Variants in RHEB observed in about 807,000 individuals in gnomAD.
RHEB encodes GTP-binding protein Rheb.
A neutral mutation model predicts 28.8 loss-of-function variants in RHEB; 2 were observed. That is an observed-to-expected ratio of 0.07 (90% CI 0.03 to 0.22). The LOEUF (loss-of-function observed/expected upper bound fraction) is 0.22. RHEB is among the 10% of genes least tolerant of loss of function. The pLI, the probability that RHEB is intolerant of heterozygous loss-of-function variation, is 1.00. For missense variants in RHEB, 76 were observed against 219.9 expected (o/e 0.35, Z 4.14); for synonymous variants, 69 against 77.3 (o/e 0.89, Z 0.56).
At chr7:151,499,706 T>A (rs1382939993) in intron 1 of RHEB, among the ~76,000 whole-genome samples, 1 of 152,112 alleles carries the variant, frequency 6.6e-6, no homozygotes, top group African/African-American at 2.4e-5. Flanking sequence ...TGTGGAAGAG[T>A]TAGTATAAAA....
chr7:151,468,026 T>C lies in RHEB; in HGVS notation c.463-815A>G, dbSNP rs997743069. Among the ~76,000 whole-genome samples, 2 of 151,854 alleles carry C rather than the reference T, an allele frequency of 1.3e-5. No individual in the cohort carries two copies. The highest frequency in any genetic ancestry group is 1.3e-4 in the Admixed American group (2 of 15,254). On this transcript the variant is annotated intron_variant, in intron 7 of 7. Coordinates refer to ENST00000262187, the MANE Select transcript of RHEB (RefSeq NM_005614.4). This position sits in a 1 kb window ranked among gnomAD's most constrained non-coding sequence, Gnocchi z 4.3. ...CTGAGCCACCGTGACTCCCAGACCC[T>C]GTCCTTGAAATGCAGTCCTGTGGTC...
intron 3 of RHEB, among the ~76,000 whole-genome samples, chr7:151,483,366 C>T (rs1361392337): frequency 2.0e-5 from 3 of 152,168 alleles, no homozygotes; most frequent in Admixed American, 6.5e-5. Context: ...CCCCATTTAA[C>T]ACAGCAAACC....
At position 151,466,270 on chromosome 7, in the gene RHEB, C is replaced by T. The variant is rs968517288; in HGVS notation, c.*849G>A. ...CAAGACTCTGACACAGAACACTAAA[C>T]TCCAGGGTGTTCTAGGACAGTGACA... On this transcript the variant is annotated 3_prime_UTR_variant, in exon 8 of 8. Transcript: ENST00000262187. 2 of 152,240 alleles carry T rather than the reference C, an allele frequency of 1.3e-5. No homozygotes were observed. The highest frequency in any genetic ancestry group is 2.9e-5 in the Non-Finnish European group (2 of 68,060). 9.4% of individuals were successfully genotyped at this position (152,240 alleles called of 1,614,324 possible).
intron 1 of RHEB, among the ~76,000 whole-genome samples, chr7:151,510,290 C>G (rs978343612): frequency 6.6e-6 from 1 of 152,156 alleles, no homozygotes; most frequent in Non-Finnish European, 1.5e-5. Context: ...AAGTAACAAT[C>G]GTGTAGTAGC....
intron 1 of RHEB, chr7:151,502,411 A>C (rs182124628): frequency 2.5e-6 from 2 of 803,220 alleles, no homozygotes; most frequent in Non-Finnish European, 4.5e-6. Context: ...GAGCCATTAC[A>C]TCTATACAAC....
At chr7:151,495,821 T>G (rs931800031) in intron 1 of RHEB, among the ~76,000 whole-genome samples, 2 of 152,158 alleles carry the variant, frequency 1.3e-5, no homozygotes, top group Non-Finnish European at 2.9e-5. Context: ...AGTGTGGTGA[T>G]GTGTGCATAT....
chr7:151,519,337 G>T (rs1403212224), intron 1 of RHEB, 123 bp downstream of exon 1: 2 of 609,136 alleles, frequency 3.3e-6, no homozygotes, highest in African/African-American at 3.9e-5. Context: ...TACGAAACGC[G>T]CGGCCCCCGC....
intron 1 of RHEB, among the ~76,000 whole-genome samples, chr7:151,501,391 T>G (rs537427598): frequency 6.6e-6 from 1 of 152,298 alleles, no homozygotes; most frequent in East Asian, 1.9e-4. Flanking sequence ...AATTAAAAAT[T>G]ACAATGAGAT....
intron 3 of RHEB, among the ~76,000 whole-genome samples, chr7:151,479,459 G>A (rs1465264309): frequency 1.3e-5 from 2 of 152,156 alleles, no homozygotes; most frequent in African/African-American, 4.8e-5. Flanking sequence ...AAGGTGGGCA[G>A]ATCACAAGGT....
rs1428123820 is a variant in RHEB, at chr7:151,468,388, G to C, written c.463-1177C>G. Among the ~76,000 whole-genome samples the C allele has an allele frequency of 6.6e-6, 1 of 152,132 alleles. No homozygotes were observed. Among genetic ancestry groups the C allele is most frequent in the South Asian group, 2.1e-4 (1 of 4,814 alleles). Reference sequence around the variant, plus strand: ...ACTTCAACTCCCTTCCCTACCAACTGTCGCTGGCACGGTGCCCGCGGCCAC... The same window carrying C: ...ACTTCAACTCCCTTCCCTACCAACTCTCGCTGGCACGGTGCCCGCGGCCAC... On this transcript the variant is annotated intron_variant, in intron 7 of 7. Coordinates refer to ENST00000262187, the MANE Select transcript of RHEB (RefSeq NM_005614.4). The surrounding 1 kb of genome is among the most constrained non-coding windows in gnomAD (Gnocchi z 4.3).
chr7:151,498,408 G>A (rs949114743), intron 1 of RHEB, among the ~76,000 whole-genome samples: 1 of 152,086 alleles, frequency 6.6e-6, no homozygotes, highest in East Asian at 1.9e-4. Context: ...CTTGGGCCTA[G>A]GAATTCAAGA....
At chr7:151,511,093 A>T (rs1584868586) in intron 1 of RHEB, among the ~76,000 whole-genome samples, 1 of 150,504 alleles carries the variant, frequency 6.6e-6, no homozygotes, top group African/African-American at 2.4e-5. Flanking sequence ...ATAAAAAATA[A>T]AAAAAAAAAT....
At chr7:151,482,666 C>A (rs1397761615) in intron 3 of RHEB, among the ~76,000 whole-genome samples, 1 of 152,160 alleles carries the variant, frequency 6.6e-6, no homozygotes, top group East Asian at 1.9e-4. Flanking sequence ...CAGAGTCCCA[C>A]AATAAACAGA....
chr7:151,470,095 G>C (rs1443593688), intron 7 of RHEB, among the ~76,000 whole-genome samples: 1 of 152,068 alleles, frequency 6.6e-6, no homozygotes, highest in African/African-American at 2.4e-5. Flanking sequence ...GCACATCTGC[G>C]GGGTGAAATT....
chr7:151,471,718 T>C, intron 4 of RHEB, 113 bp from the exon 5 acceptor site: 1 of 692,806 alleles, frequency 1.4e-6, no homozygotes, highest in East Asian at 2.6e-5. Context: ...CATTTTAACA[T>C]AACATAAAAT....
chr7:151,470,804 C>A, intron 6 of RHEB, 152 bp from the exon 7 acceptor site: 1 of 590,664 alleles, frequency 1.7e-6, no homozygotes, highest in Non-Finnish European at 3.0e-6. Context: ...AAGAATGTAA[C>A]ACAGGAGTGT....
intron 1 of RHEB, among the ~76,000 whole-genome samples, chr7:151,496,221 T>A (rs1802669439): frequency 6.6e-6 from 1 of 152,026 alleles, no homozygotes; most frequent in Non-Finnish European, 1.5e-5. Context: ...GCACCAGTAA[T>A]CCTCTCCATG....
At chr7:151,503,186 C>A in intron 1 of RHEB, 1 of 784,806 alleles carries the variant, frequency 1.3e-6, no homozygotes, top group Non-Finnish European at 2.3e-6. Context: ...GGAGAAAATT[C>A]TCTAACTCCA....
intron 3 of RHEB, among the ~76,000 whole-genome samples, chr7:151,484,300 A>C (rs959286598): frequency 6.6e-6 from 1 of 152,248 alleles, no homozygotes; most frequent in Non-Finnish European, 1.5e-5. Context: ...ATTAAAGTTT[A>C]GAAAATAGAA....
Sources: gnomAD v4.1 joint callset for allele counts (sites outside exome capture counted in the v4.1 genomes callset) on GRCh38, gnomAD v4.1.1 for gene constraint, Gnocchi (gnomAD v3.1) non-coding constraint, MANE v1.5 for transcripts, NCBI Gene and HGNC (gene_info 2026-07-23, HGNC 2026-07-21) for gene names.